TRMT11: variants seen among roughly 807,000 people sequenced by gnomAD.
TRMT11 encodes tRNA (guanine(10)-N(2))-methyltransferase TRMT11.
TRMT11 carries 53 observed loss-of-function variants against 62.8 expected under a neutral mutation model. The ratio of observed to expected loss-of-function variants is 0.84; its 90% CI spans 0.68 to 1.06. The LOEUF (loss-of-function observed/expected upper bound fraction) is 1.06. Ranked by LOEUF, TRMT11 falls within the 50% of genes least tolerant of loss-of-function variation. TRMT11 has a pLI of 0.00. For missense variants in TRMT11, 556 were observed against 553.4 expected (o/e 1.00, Z -0.05); for synonymous variants, 188 against 190.3 (o/e 0.99, Z 0.10).
In TRMT11 at chr6:125,996,029, A is replaced by G; in HGVS notation, c.201A>G (p.Thr67=). The change falls in exon 3 of 13, where the codon ACA becomes ACG. Residue 67 remains threonine, a synonymous_variant. Coordinates refer to ENST00000334379, the MANE Select transcript of TRMT11 (RefSeq NM_001031712.3). ...TTGCAAGAAATTTGATGAAACGGAC[A>G]GTGTGTGCCAAGTAAGAGAAACTTA... ...EDIARNLMKR[T]VCAKSIFELW... 1 of 1,609,064 alleles carries G rather than the reference A, an allele frequency of 6.2e-7. No homozygotes were observed. The highest frequency in any genetic ancestry group is 8.5e-7 in the Non-Finnish European group (1 of 1,175,422).
the TRMT11 span, chr6:126,258,239 C>T: frequency 4.9e-6 from 3 of 615,364 alleles, no homozygotes; most frequent in Non-Finnish European, 9.5e-6. Context: ...GTCTGTGCCG[C>T]CCGGGCCTCC....
intron 21 of TRMT11, among the ~76,000 whole-genome samples, chr6:126,138,070 A>G (rs1359783516): frequency 6.6e-6 from 1 of 151,956 alleles, no homozygotes; most frequent in African/African-American, 2.4e-5. Context: ...TATAGTTAAC[A>G]ATAATTTATT....
intron 21 of TRMT11, among the ~76,000 whole-genome samples, chr6:126,121,228 T>C (rs1453983248): frequency 6.6e-6 from 1 of 152,146 alleles, no homozygotes; most frequent in Non-Finnish European, 1.5e-5. Context: ...TGAATTTGTT[T>C]ATTTAATGAA....
chr6:126,132,739 A>C (rs1014795351), intron 21 of TRMT11, among the ~76,000 whole-genome samples: 1 of 151,998 alleles, frequency 6.6e-6, no homozygotes, highest in African/African-American at 2.4e-5. Flanking sequence ...ATAGGAAGAA[A>C]AACTTAGAAC....
At chr6:126,244,677 A>C in the TRMT11 span, among the ~76,000 whole-genome samples, 1 of 152,212 alleles carries the variant, frequency 6.6e-6, no homozygotes, top group Admixed American at 6.5e-5. Flanking sequence ...TTCATGGCTG[A>C]AATTTTTCAG....
At chr6:126,111,244 T>A (rs902167022) in intron 17 of TRMT11, among the ~76,000 whole-genome samples, 1 of 152,078 alleles carries the variant, frequency 6.6e-6, no homozygotes, top group Admixed American at 6.6e-5. Flanking sequence ...GAAGTCTCAC[T>A]CTACCACTCT....
chr6:126,227,934 T>C, the TRMT11 span, among the ~76,000 whole-genome samples: 1 of 152,296 alleles, frequency 6.6e-6, no homozygotes, highest in East Asian at 1.9e-4. Context: ...ATAAAAGCCG[T>C]AAAACATGAG....
Position 126,163,672 on chromosome 6 carries a change from G to A in TRMT11, c.*1824-11153G>A, listed in dbSNP as rs112137991. Among the ~76,000 whole-genome samples the A allele has an allele frequency of 9.5e-3, 1,444 of 152,156 alleles. 18 individuals are homozygous for A. The highest frequency in any genetic ancestry group is 0.034 in the African/African-American group (1,396 of 41,528). On this transcript the variant is annotated intron_variant and NMD_transcript_variant, in intron 21 of 22. Coordinates refer to the TRMT11 transcript ENST00000648977. ...CTCTGGTAGAATTCGGCTGTGAATC[G>A]GTCTGGTCCTGGGCTTTTTTTGGTT...
At chr6:126,010,540 A>G (rs1311854762) in intron 8 of TRMT11, among the ~76,000 whole-genome samples, 1 of 152,110 alleles carries the variant, frequency 6.6e-6, no homozygotes, top group Non-Finnish European at 1.5e-5. Context: ...GTATAAGATT[A>G]TATGCTGATA....
the TRMT11 span, among the ~76,000 whole-genome samples, chr6:126,251,382 A>T: frequency 5.9e-4 from 90 of 152,296 alleles, no homozygotes; most frequent in African/African-American, 2.0e-3. Context: ...TTAGGGTGCG[A>T]AACATAAAAT....
chr6:126,243,733 G>A, the TRMT11 span, among the ~76,000 whole-genome samples: 1 of 152,278 alleles, frequency 6.6e-6, no homozygotes, highest in South Asian at 2.1e-4. Flanking sequence ...ATTGAATAAT[G>A]AGAACACATG....
At chr6:126,041,410 G>A (rs932649832), downstream of TRMT11, among the ~76,000 whole-genome samples, 4 of 152,070 alleles carry the variant, frequency 2.6e-5, no homozygotes, top group African/African-American at 9.7e-5. Context: ...CGTTGAGGTT[G>A]TGTTATATAG....
chr6:126,066,276 T>C (rs1301479989), intron 17 of TRMT11, among the ~76,000 whole-genome samples: 1 of 152,156 alleles, frequency 6.6e-6, no homozygotes, highest in Non-Finnish European at 1.5e-5. Flanking sequence ...GCCCTTTGGG[T>C]GTGGCCTTAC....
intron 21 of TRMT11, among the ~76,000 whole-genome samples, chr6:126,166,864 G>A (rs974164949): frequency 6.6e-5 from 10 of 152,096 alleles, no homozygotes; most frequent in Admixed American, 4.6e-4. Context: ...ATGGTGCTGC[G>A]GTGGGTTCTG....
downstream of TRMT11, among the ~76,000 whole-genome samples, chr6:126,040,645 C>T (rs1246019400): frequency 6.6e-6 from 1 of 151,996 alleles, no homozygotes; most frequent in East Asian, 1.9e-4. Flanking sequence ...AGCAAATTGC[C>T]TGCATTTCAG....
intron 21 of TRMT11, among the ~76,000 whole-genome samples, chr6:126,167,079 A>T (rs1288197182): frequency 6.6e-6 from 1 of 151,860 alleles, no homozygotes; most frequent in Non-Finnish European, 1.5e-5. Context: ...ACTGAGCAAG[A>T]CCTCTTGGCT....
At chr6:126,038,114 GT>G (rs1775514249) in intron 12 of TRMT11, among the ~76,000 whole-genome samples, 1 of 152,034 alleles carries the variant, frequency 6.6e-6, no homozygotes. Context: ...CTGAGCAGTA[GT>G]CCTTACTTGT....
chr6:126,013,305 G>A (rs1794520378), intron 11 of TRMT11, among the ~76,000 whole-genome samples: 2 of 152,112 alleles, frequency 1.3e-5, no homozygotes, highest in South Asian at 4.2e-4. Context: ...CACCCAGGCT[G>A]GAGTGCAGTA....
At chr6:126,049,158 A>C (rs533615767) in intron 16 of TRMT11, among the ~76,000 whole-genome samples, 1 of 152,292 alleles carries the variant, frequency 6.6e-6, no homozygotes, top group South Asian at 2.1e-4. Context: ...AAACCTTCAC[A>C]GAAAGACTCA....
Sources: gnomAD v4.1 joint callset for allele counts (sites outside exome capture counted in the v4.1 genomes callset) on GRCh38, gnomAD v4.1.1 for gene constraint, MANE v1.5 for transcripts, NCBI Gene and HGNC (gene_info 2026-07-23, HGNC 2026-07-21) for gene names.